The following SAP130 variants were observed in gnomAD, a reference collection of about 807,000 sequenced individuals.
SAP130 encodes Sin3A associated protein 130.
SAP130 carries 16 observed loss-of-function variants against 103.2 expected under a neutral mutation model. That is an observed-to-expected ratio of 0.16 (90% CI 0.10 to 0.24). The LOEUF is 0.24. Ranked by LOEUF, SAP130 falls within the 10% of genes least tolerant of loss-of-function variation. The probability of loss-of-function intolerance (pLI) is 1.00; values close to 1 mark genes in which losing one functional copy is unlikely to be tolerated. For synonymous variants in SAP130, 477 were observed against 497.0 expected, an observed-to-expected ratio of 0.96 and a Z score of 0.53; for missense variants, 990 against 1,359.7, an observed-to-expected ratio of 0.73 and a Z score of 4.28.
intron 14 of SAP130, among the ~76,000 whole-genome samples, chr2:127,979,631 T>C (rs538686788): frequency 1.1e-4 from 16 of 152,244 alleles, no homozygotes; most frequent in South Asian, 2.1e-4. Context: ...TTTCAGACCA[T>C]TGGAAACCTG....
At chr2:128,013,439 G>C (rs1189966981) in intron 5 of SAP130, among the ~76,000 whole-genome samples, 1 of 152,212 alleles carries the variant, frequency 6.6e-6, no homozygotes, top group South Asian at 2.1e-4. Context: ...ACAGCAGTGT[G>C]ATGCCACTGC....
At chr2:128,027,099 C>T (rs1204515028) in intron 1 of SAP130, 1 of 1,415,222 alleles carries the variant, frequency 7.1e-7, no homozygotes, top group Non-Finnish European at 9.3e-7. Flanking sequence ...TACCTGTAGC[C>T]GCCGCCCGCC....
Position 127,950,343 on chromosome 2 carries a change from T to G in SAP130, c.2488A>C (p.Met830Leu), listed in dbSNP as rs751959100. 6.2e-7 allele frequency: 1 copy of G among 1,614,190 alleles called. No individual in the cohort carries two copies. The highest frequency in any genetic ancestry group is 8.5e-7 in the Non-Finnish European group (1 of 1,179,998). ...SLALLANNLS[M>L]PTSDLPPGAS... ...CCAGGTGGTAGGTCACTTGTAGGCA[T>G]GGACAAGTTGTTTGCCAGCAATGCA... The change falls in exon 17 of 21, where the codon ATG becomes CTG. Residue 830 changes from methionine (M) to leucine (L), a missense_variant. Coordinates refer to ENST00000643581, the MANE Select transcript of SAP130 (RefSeq NM_001330301.2).
At chr2:127,958,763 G>C (rs1053571037) in intron 15 of SAP130, among the ~76,000 whole-genome samples, 2 of 151,784 alleles carry the variant, frequency 1.3e-5, no homozygotes, top group Admixed American at 6.6e-5. Flanking sequence ...CCAGATTCAG[G>C]TGATCCTCCT....
At chr2:127,952,640 T>A (rs1679573633) in intron 16 of SAP130, among the ~76,000 whole-genome samples, 1 of 152,114 alleles carries the variant, frequency 6.6e-6, no homozygotes, top group Non-Finnish European at 1.5e-5. Flanking sequence ...TCTCAAGACC[T>A]CTGTGACTTC....
At position 127,996,226 on chromosome 2, in the gene SAP130, G is replaced by T; in HGVS notation, c.1355+124C>A. 1 of 907,776 alleles carries T rather than the reference G, an allele frequency of 1.1e-6. No homozygotes were observed. 56.2% of individuals were successfully genotyped at this position (907,776 alleles called of 1,614,324 possible). A position where few individuals can be genotyped will look rare whatever the true frequency, so the allele number is the denominator to read the frequency against. Reference sequence around the variant, plus strand: ...GGAATTATACGAAGTGTTACTTTCAGGGGAAAATCTGAAAACATGAGTAAT... The same window carrying T: ...GGAATTATACGAAGTGTTACTTTCATGGGAAAATCTGAAAACATGAGTAAT... On this transcript the variant is annotated intron_variant, in intron 11 of 20. Coordinates refer to ENST00000643581, the MANE Select transcript of SAP130 (RefSeq NM_001330301.2). The surrounding 1 kb of genome is among the most constrained non-coding windows in gnomAD (Gnocchi z 4.3).
chr2:128,023,169 A>G (rs188149962), intron 2 of SAP130, among the ~76,000 whole-genome samples: 3 of 151,882 alleles, frequency 2.0e-5, no homozygotes, highest in Non-Finnish European at 4.4e-5. Context: ...TAATTTTTGT[A>G]TTTTTAGTAG....
At chr2:127,977,365 T>C (rs991091856) in intron 15 of SAP130, among the ~76,000 whole-genome samples, 1 of 143,326 alleles carries the variant, frequency 7.0e-6, no homozygotes, top group Admixed American at 7.1e-5. Flanking sequence ...CCAGGTGTGG[T>C]GGCACATGCC....
At chr2:127,980,635 T>C (rs1204803080) in intron 14 of SAP130, among the ~76,000 whole-genome samples, 1 of 152,194 alleles carries the variant, frequency 6.6e-6, no homozygotes, top group Non-Finnish European at 1.5e-5. Flanking sequence ...CTGTTATACA[T>C]GGTATTTTAT....
Position 127,950,217 on chromosome 2 carries a change from C to T in SAP130, c.2614G>A (p.Ala872Thr). ...TNSTDDEKST[A>T]KSLLVKAEKR... ...TCAGCCTTCACCAGAAGACTCTTGG[C>T]AGTGGACTTCTCATCATCAGTGCTG... Residue 872 changes from alanine (A) to threonine (T), a missense_variant, in exon 17 of 21, where the codon GCC becomes ACC. Transcript: ENST00000643581. 6.2e-7 allele frequency: 1 copy of T among 1,614,218 alleles called. No individual in the cohort carries two copies.
intron 2 of SAP130, among the ~76,000 whole-genome samples, chr2:128,019,960 T>C (rs1197275754): frequency 6.6e-6 from 1 of 152,148 alleles, no homozygotes; most frequent in Non-Finnish European, 1.5e-5. Flanking sequence ...TATTAACTCA[T>C]ATTTGTCTAT....
intron 15 of SAP130, among the ~76,000 whole-genome samples, chr2:127,956,702 T>TAAAAAAAAAAA (rs55931869): frequency 1.8e-5 from 2 of 111,268 alleles, no homozygotes; most frequent in African/African-American, 3.2e-5. Context: ...TAAAGTATAA[T>TAAAAAAAAAAA]AAAAAAAAAA....
chr2:127,950,574 C>A (rs1267746773), intron 16 of SAP130, among the ~76,000 whole-genome samples, 166 bp from the exon 17 acceptor site: 1 of 152,220 alleles, frequency 6.6e-6, no homozygotes, highest in East Asian at 1.9e-4. Context: ...GCAGAAGCTG[C>A]AAACTCCTCC....
rs1208811492 is a variant in SAP130 at position 127,941,994 on chromosome 2, AT to A, written c.*11del. 7.5e-7 allele frequency: 1 copy of A among 1,338,770 alleles called. No individual in the cohort carries two copies. Among genetic ancestry groups the A allele is most frequent in the Admixed American group, 2.9e-5 (1 of 35,004 alleles). The allele number at this position is 1,338,770 out of a possible 1,614,324, so 82.9% of individuals were successfully genotyped here. ...TCATAAATTTGCTTCCAATCTCCTGATTGTTCTGGGTCTAGACTTTTTCCTT... is the reference window on the plus strand; with the variant it reads ...TCATAAATTTGCTTCCAATCTCCTGATGTTCTGGGTCTAGACTTTTTCCTT... On this transcript the variant is annotated 3_prime_UTR_variant, in exon 21 of 21. Transcript: ENST00000643581.
At chr2:128,017,989 T>A in intron 2 of SAP130, 74 bp from the exon 3 acceptor site, 1 of 1,207,918 alleles carries the variant, frequency 8.3e-7, no homozygotes, top group Non-Finnish European at 1.2e-6. Flanking sequence ...ACAAGAGTGG[T>A]ACCTGAAGTT....
intron 5 of SAP130, among the ~76,000 whole-genome samples, chr2:128,013,642 C>G (rs988859794): frequency 6.6e-6 from 1 of 152,196 alleles, no homozygotes; most frequent in Non-Finnish European, 1.5e-5. Flanking sequence ...ACCAAGCAAA[C>G]CTGGTCTTGC....
intron 14 of SAP130, among the ~76,000 whole-genome samples, chr2:127,980,330 T>A (rs1001769155): frequency 6.6e-6 from 1 of 152,060 alleles, no homozygotes; most frequent in African/African-American, 2.4e-5. Context: ...AAGAACCTAA[T>A]GCGAAACATC....
intron 15 of SAP130, among the ~76,000 whole-genome samples, chr2:127,966,877 C>A (rs1056067615): frequency 1.3e-5 from 2 of 151,944 alleles, no homozygotes; most frequent in Admixed American, 1.3e-4. Flanking sequence ...AAACTGGTTA[C>A]CATGGGATTA....
chr2:128,016,239 C>G, intron 4 of SAP130, 150 bp downstream of exon 4: 2 of 777,662 alleles, frequency 2.6e-6, no homozygotes, highest in Non-Finnish European at 4.0e-6. Context: ...TTATCCTTCT[C>G]TCTCAAACCT....
Sources: gnomAD v4.1 joint callset for allele counts (sites outside exome capture counted in the v4.1 genomes callset) on GRCh38, gnomAD v4.1.1 for gene constraint, Gnocchi (gnomAD v3.1) non-coding constraint, MANE v1.5 for transcripts, NCBI Gene and HGNC (gene_info 2026-07-23, HGNC 2026-07-21) for gene names.